TNIK: variants seen among roughly 807,000 people sequenced by gnomAD.
TNIK encodes the protein TRAF2 and NCK-interacting protein kinase.
In TNIK, 49 loss-of-function variants were observed where a neutral mutation model predicts 191.3. The observed-to-expected ratio is 0.26, with a 90% CI of 0.20 to 0.32. The LOEUF is 0.32. TNIK is among the 10% of genes least tolerant of loss of function. The probability of loss-of-function intolerance (pLI) is 1.00; values close to 1 mark genes in which losing one functional copy is unlikely to be tolerated. For missense variants in TNIK, 1,155 were observed against 1,702.3 expected (o/e 0.68, Z 5.66); for synonymous variants, 594 against 600.9 (o/e 0.99, Z 0.17).
intron 2 of TNIK, among the ~76,000 whole-genome samples, chr3:171,267,794 T>A (rs1748568238): frequency 6.6e-6 from 1 of 152,232 alleles, no homozygotes; most frequent in South Asian, 2.1e-4. Flanking sequence ...CTCCACGTTC[T>A]CCATGTGTCA....
intron 2 of TNIK, among the ~76,000 whole-genome samples, chr3:171,299,797 T>C (rs1752695414): frequency 6.6e-6 from 1 of 152,190 alleles, no homozygotes; most frequent in South Asian, 2.1e-4. Context: ...TAGCACCTCT[T>C]CTTGACAGAG....
At chr3:171,139,378 GCACA>G (rs34521732) in intron 14 of TNIK, 88 bp downstream of exon 14, 27,430 of 688,088 alleles carry the variant, frequency 0.04, 1,146 homozygotes, top group African/African-American at 0.24. Context: ...ACGCACGCGC[GCACA>G]CACACACACA....
intron 21 of TNIK, among the ~76,000 whole-genome samples, chr3:171,104,141 TA>T (rs1576819028): frequency 6.6e-6 from 1 of 152,048 alleles, no homozygotes; most frequent in African/African-American, 2.4e-5. Flanking sequence ...AAGGTAAAAA[TA>T]ATGAATAATT....
chr3:171,153,749 C>T (rs1186532360), intron 12 of TNIK, among the ~76,000 whole-genome samples: 2 of 152,206 alleles, frequency 1.3e-5, no homozygotes, highest in Non-Finnish European at 2.9e-5. Context: ...CAAAGCCCTG[C>T]ATGACTGTGC....
At chr3:171,178,146 T>C (rs187634503) in intron 7 of TNIK, among the ~76,000 whole-genome samples, 2 of 152,348 alleles carry the variant, frequency 1.3e-5, no homozygotes, top group African/African-American at 2.4e-5. Flanking sequence ...GCTGCAAACA[T>C]TGGTGTACAA....
At chr3:171,066,362 A>C in intron 31 of TNIK, 36 bp from the exon 32 acceptor site, 1 of 1,612,296 alleles carries the variant, frequency 6.2e-7, no homozygotes, top group Non-Finnish European at 8.5e-7. Flanking sequence ...CATTAAAAAC[A>C]TTAGATGGGC....
chr3:171,428,441 C>A (rs184980709), intron 1 of TNIK, among the ~76,000 whole-genome samples: 255 of 151,934 alleles, frequency 1.7e-3, no homozygotes, highest in African/African-American at 5.9e-3. Flanking sequence ...CTTTATCTCT[C>A]CCCCACCACT....
chr3:171,447,610 T>C (rs1727669552), intron 1 of TNIK, among the ~76,000 whole-genome samples: 1 of 152,230 alleles, frequency 6.6e-6, no homozygotes. Flanking sequence ...GGTAAACTAA[T>C]TGATTTTTCA....
intron 2 of TNIK, among the ~76,000 whole-genome samples, chr3:171,288,006 A>T (rs1269723779): frequency 1.3e-5 from 2 of 150,858 alleles, no homozygotes; most frequent in African/African-American, 4.9e-5. Flanking sequence ...TGATGAGTTC[A>T]TGTCCTTTGT....
At chr3:171,079,708 C>T in intron 27 of TNIK, 56 bp from the exon 28 acceptor site, 44 of 1,530,964 alleles carry the variant, frequency 2.9e-5, no homozygotes, top group Non-Finnish European at 3.8e-5. Context: ...TCACTTTTTC[C>T]TTCCCCACCT....
intron 2 of TNIK, among the ~76,000 whole-genome samples, chr3:171,277,800 A>G (rs762321918): frequency 1.3e-5 from 2 of 152,218 alleles, no homozygotes; most frequent in Non-Finnish European, 2.9e-5. Flanking sequence ...CTTTATAGAA[A>G]AGGTTTACAG....
intron 2 of TNIK, among the ~76,000 whole-genome samples, chr3:171,337,867 A>G (rs1429527159): frequency 1.3e-5 from 2 of 152,226 alleles, no homozygotes; most frequent in Non-Finnish European, 2.9e-5. Context: ...TGCCCTCAGG[A>G]TAAATAGTGC....
At chr3:171,374,971 T>C (rs1180152172) in intron 1 of TNIK, among the ~76,000 whole-genome samples, 1 of 152,236 alleles carries the variant, frequency 6.6e-6, no homozygotes, top group Non-Finnish European at 1.5e-5. Context: ...AGAGCCAGGA[T>C]GTTGACTCAG....
At chr3:171,075,628 A>G (rs1384591645) in intron 28 of TNIK, among the ~76,000 whole-genome samples, 2 of 151,964 alleles carry the variant, frequency 1.3e-5, no homozygotes, top group East Asian at 3.9e-4. Context: ...ATACTTCTTA[A>G]CTGATTTCCC....
At chr3:171,421,344 T>C (rs777309401) in intron 1 of TNIK, among the ~76,000 whole-genome samples, 8 of 152,310 alleles carry the variant, frequency 5.3e-5, no homozygotes, top group Non-Finnish European at 1.0e-4. Context: ...AACTGACCCA[T>C]TGTGATAAAT....
At chr3:171,379,448 T>C (rs565429077) in intron 1 of TNIK, among the ~76,000 whole-genome samples, 25 of 152,356 alleles carry the variant, frequency 1.6e-4, no homozygotes, top group Admixed American at 9.8e-4. Flanking sequence ...TGGGATTCAC[T>C]GGCCAGCCCT....
chr3:171,197,142 TA>T (rs887794146), intron 4 of TNIK, among the ~76,000 whole-genome samples: 3 of 152,188 alleles, frequency 2.0e-5, no homozygotes, highest in African/African-American at 7.2e-5. Context: ...TACTTATGGA[TA>T]AAATTATATG....
intron 2 of TNIK, among the ~76,000 whole-genome samples, chr3:171,368,896 A>G (rs1716106778): frequency 6.6e-6 from 1 of 151,020 alleles, no homozygotes; most frequent in Non-Finnish European, 1.5e-5. Context: ...ATTCAATGAA[A>G]CCCCAAAAGT....
chr3:171,453,567 G>A (rs1230048119), intron 1 of TNIK, among the ~76,000 whole-genome samples: 3 of 152,186 alleles, frequency 2.0e-5, no homozygotes, highest in Non-Finnish European at 2.9e-5. Flanking sequence ...GTAGACTAAG[G>A]AGACAGAGAA....
Sources: gnomAD v4.1 joint callset for allele counts (sites outside exome capture counted in the v4.1 genomes callset) on GRCh38, gnomAD v4.1.1 for gene constraint, MANE v1.5 for transcripts, NCBI Gene and HGNC (gene_info 2026-07-23, HGNC 2026-07-21) for gene names.